KAT2B: variants seen among roughly 807,000 people sequenced by gnomAD.
KAT2B encodes histone acetyltransferase KAT2B.
KAT2B carries 36 observed loss-of-function variants against 105.9 expected under a neutral mutation model. That is an observed-to-expected ratio of 0.34 (90% CI 0.26 to 0.45). The LOEUF is 0.45. Among genes scored for constraint, KAT2B ranks in the 20% least tolerant of loss-of-function variants. KAT2B has a pLI of 1.00. For synonymous variants in KAT2B, 397 were observed against 377.9 expected (o/e 1.05, Z -0.59); for missense variants, 820 against 1,021.6 (o/e 0.80, Z 2.69).
intron 3 of KAT2B, 97 bp from the exon 4 acceptor site, chr3:20,099,765 G>A: frequency 3.1e-6 from 2 of 651,316 alleles, no homozygotes; most frequent in East Asian, 5.4e-5. Context: ...GTGTAAGAGA[G>A]AGAGAGAGAG....
At position 20,112,982 on chromosome 3, in the gene KAT2B, A is replaced by G. The variant is rs112899685; in HGVS notation, c.1043+1195A>G. Among the ~76,000 whole-genome samples the G allele has an allele frequency of 3.3e-3, 502 of 152,316 alleles. 3 individuals carry two copies. Among genetic ancestry groups the G allele is most frequent in the Non-Finnish European group, 5.1e-3 (344 of 68,024 alleles). ...TAAACCTTAGATAGATGTCATGGGTAATTCTGATGGGCTTTGGCCAAACAC... is the reference window on the plus strand; with the variant it reads ...TAAACCTTAGATAGATGTCATGGGTGATTCTGATGGGCTTTGGCCAAACAC... On this transcript the variant is annotated intron_variant, in intron 6 of 17. Transcript: ENST00000263754.
chr3:20,116,229 A>G (rs1025700444), intron 7 of KAT2B, among the ~76,000 whole-genome samples: 1 of 152,088 alleles, frequency 6.6e-6, no homozygotes, highest in African/African-American at 2.4e-5. Flanking sequence ...GTTACTGGAC[A>G]TATCCTTTGC....
intron 2 of KAT2B, among the ~76,000 whole-genome samples, chr3:20,080,179 A>G (rs974575614): frequency 1.3e-5 from 2 of 152,152 alleles, no homozygotes; most frequent in Admixed American, 6.6e-5. Flanking sequence ...TTATCCTCAG[A>G]GTGAAGGGTG....
intron 1 of KAT2B, among the ~76,000 whole-genome samples, chr3:20,071,427 A>T (rs1292979200): frequency 6.6e-6 from 1 of 152,242 alleles, no homozygotes; most frequent in African/African-American, 2.4e-5. Context: ...ATAGTAGAGA[A>T]GGGGCAGAAG....
chr3:20,128,959 A>G (rs1366697005), intron 11 of KAT2B, among the ~76,000 whole-genome samples: 1 of 147,464 alleles, frequency 6.8e-6, no homozygotes, highest in African/African-American at 2.5e-5. Flanking sequence ...GTGAGCCAAG[A>G]TCACAGCACT....
rs79816598 is a variant in KAT2B at position 20,066,971 on chromosome 3, T to G, written c.304-5362T>G. 8.5e-5 allele frequency among the ~76,000 whole-genome samples: 13 copies of G among 152,308 alleles called. No homozygotes were observed. In the East Asian group the frequency reaches 2.3e-3, roughly 27 times the overall value. On this transcript the variant is annotated intron_variant, in intron 1 of 17. Coordinates refer to ENST00000263754, the MANE Select transcript of KAT2B (RefSeq NM_003884.5). ...TTGCCAATTTTTAAAGACTCCGTAT[T>G]CGCTTGTGGCTGGCTGCCACATCTT...
intron 13 of KAT2B, among the ~76,000 whole-genome samples, chr3:20,144,297 T>C (rs938016469): frequency 4.4e-5 from 4 of 91,870 alleles, no homozygotes; most frequent in Non-Finnish European, 6.5e-5. Context: ...TTTTTTTTTT[T>C]TTTTTTTTTG....
intron 2 of KAT2B, among the ~76,000 whole-genome samples, chr3:20,079,449 C>T (rs1698481526): frequency 6.6e-6 from 1 of 152,116 alleles, no homozygotes; most frequent in African/African-American, 2.4e-5. Flanking sequence ...GGTAATCTGC[C>T]CGCTTCAGCC....
intron 11 of KAT2B, 94 bp from the exon 12 acceptor site, chr3:20,136,848 A>G: frequency 1.7e-6 from 1 of 602,970 alleles, no homozygotes. Context: ...ATGTAAAAGT[A>G]CAAACTTCTG....
chr3:20,128,489 T>C (rs1156306203), intron 11 of KAT2B, among the ~76,000 whole-genome samples: 2 of 152,142 alleles, frequency 1.3e-5, no homozygotes, highest in African/African-American at 2.4e-5. Flanking sequence ...TCTTTTTGTT[T>C]TGTTTTGTTT....
intron 11 of KAT2B, among the ~76,000 whole-genome samples, chr3:20,128,668 C>T (rs1575150652): frequency 6.6e-6 from 1 of 152,070 alleles, no homozygotes; most frequent in East Asian, 1.9e-4. Context: ...TCCTGTTCTA[C>T]TTTCTTGCTT....
At chr3:20,085,257 G>C (rs941257564) in intron 2 of KAT2B, among the ~76,000 whole-genome samples, 9 of 152,102 alleles carry the variant, frequency 5.9e-5, no homozygotes, top group Non-Finnish European at 8.8e-5. Flanking sequence ...GTAAATAACT[G>C]ACATAAAAAT....
chr3:20,060,357 T>C lies in KAT2B; in HGVS notation c.304-11976T>C, dbSNP rs576587559. On this transcript the variant is annotated intron_variant, in intron 1 of 17. Transcript: ENST00000263754. ...TGGCTCACGCCTGTAGTCCCAGTAC[T>C]TTGGGAGGCCAAGGCGGGCGGATCA... 2.6e-5 allele frequency among the ~76,000 whole-genome samples: 4 copies of C among 152,246 alleles called. No homozygotes were observed. The South Asian group carries it at 8.3e-4, about 32-fold the overall frequency.
chr3:20,064,547 A>G (rs1478356471), intron 1 of KAT2B, among the ~76,000 whole-genome samples: 1 of 152,182 alleles, frequency 6.6e-6, no homozygotes, highest in Non-Finnish European at 1.5e-5. Context: ...CATGGAGCAG[A>G]GAGGTAGTGA....
intron 1 of KAT2B, among the ~76,000 whole-genome samples, chr3:20,058,390 C>T (rs866486742): frequency 7.4e-6 from 1 of 134,412 alleles, no homozygotes; most frequent in Admixed American, 8.7e-5. Context: ...GGGAGGCGGA[C>T]ATTGCAGTGA....
Position 20,101,473 on chromosome 3 carries a change from T to C in KAT2B, c.851+5T>C, listed in dbSNP as rs1242805006. On this transcript the variant is annotated splice_donor_5th_base_variant and intron_variant, in intron 5 of 17. Coordinates refer to ENST00000263754, the MANE Select transcript of KAT2B (RefSeq NM_003884.5). The stretch of plus-strand genomic sequence containing the variant: ...ATACAAAGAGAACTACACAAGGTAA[T>C]CAGATGCAAGTTCTTTTCCTTTGGC... 1.2e-6 allele frequency: 2 copies of C among 1,612,398 alleles called. No homozygotes were observed. The highest frequency in any genetic ancestry group is 1.7e-6 in the Non-Finnish European group (2 of 1,178,768).
chr3:20,102,383 C>T (rs989467177), intron 5 of KAT2B, among the ~76,000 whole-genome samples: 1 of 152,142 alleles, frequency 6.6e-6, no homozygotes, highest in African/African-American at 2.4e-5. Flanking sequence ...TACATATTAT[C>T]TTCCAGGTTT....
intron 2 of KAT2B, among the ~76,000 whole-genome samples, chr3:20,085,533 G>A (rs1455192198): frequency 6.7e-6 from 1 of 149,458 alleles, no homozygotes; most frequent in Non-Finnish European, 1.5e-5. Flanking sequence ...TTTTGCAGGG[G>A]GCAGAGTCTT....
At position 20,054,532 on chromosome 3, in the gene KAT2B, A is replaced by C. The variant is rs571309551; in HGVS notation, c.303+13752A>C. ...TTAGGGTAATCTTGTCAGTAACCTC[A>C]GGGCAAGTTGTATGGGGTTGCTTCC... is the stretch of plus-strand genomic sequence containing the variant. On this transcript the variant is annotated intron_variant, in intron 1 of 17. Coordinates refer to ENST00000263754, the MANE Select transcript of KAT2B (RefSeq NM_003884.5). 2.6e-5 allele frequency among the ~76,000 whole-genome samples: 4 copies of C among 152,358 alleles called. No individual in the cohort carries two copies. The South Asian group carries it at 8.3e-4, about 32-fold the overall frequency.
Sources: allele counts gnomAD v4.1 joint callset (sites outside exome capture counted in the v4.1 genomes callset), GRCh38; gene constraint gnomAD v4.1.1; transcripts MANE v1.5; gene names NCBI Gene and HGNC (gene_info 2026-07-23, HGNC 2026-07-21).